The following DNAH3 variants were observed in gnomAD, a reference collection of about 807,000 sequenced individuals.
DNAH3 encodes the protein axonemal beta dynein heavy chain 3.
DNAH3 carries 332 observed loss-of-function variants against 432.5 expected under a neutral mutation model. That is an observed-to-expected ratio of 0.77 (90% CI 0.70 to 0.84). DNAH3 has a LOEUF of 0.84. Among genes scored for constraint, DNAH3 ranks in the 40% least tolerant of loss-of-function variants. The pLI, the probability that DNAH3 is intolerant of heterozygous loss-of-function variation, is 0.00. For missense variants in DNAH3, 4,861 were observed against 5,114.0 expected, an observed-to-expected ratio of 0.95 and a Z score of 1.51; for synonymous variants, 1,956 against 1,900.2, an observed-to-expected ratio of 1.03 and a Z score of -0.76.
At chr16:21,147,171 C>A (rs58431726) in intron 1 of DNAH3, among the ~76,000 whole-genome samples, 2,228 of 152,080 alleles carry the variant, frequency 0.015, 53 homozygotes, top group African/African-American at 0.05. Context: ...ATCCCCAGTA[C>A]CCTACCCTCA....
intron 18 of DNAH3, among the ~76,000 whole-genome samples, chr16:21,096,070 T>C (rs2091669471): frequency 6.6e-6 from 1 of 151,980 alleles, no homozygotes; most frequent in African/African-American, 2.4e-5. Flanking sequence ...ATGACTGGCT[T>C]TCTTGTGTTT....
chr16:21,094,913 C>T (rs1255503534), intron 18 of DNAH3, among the ~76,000 whole-genome samples: 5 of 152,088 alleles, frequency 3.3e-5, no homozygotes, highest in East Asian at 3.9e-4. Context: ...TCTTGCCTGC[C>T]GCCATGTAAG....
chr16:21,075,776 G>T (rs2090952378), intron 20 of DNAH3, among the ~76,000 whole-genome samples: 1 of 151,840 alleles, frequency 6.6e-6, no homozygotes, highest in Non-Finnish European at 1.5e-5. Flanking sequence ...AGCCAGGTGT[G>T]GTGTATGCCT....
In DNAH3 at chr16:21,070,672, C is replaced by T. The variant is rs149070359; in HGVS notation, c.3201+38G>A. The T allele has an allele frequency of 4.5e-5, 62 of 1,389,722 alleles. No individual in the cohort carries two copies. In the African/African-American group the frequency reaches 7.4e-4, roughly 17 times the overall value. The allele number at this position is 1,389,722 out of a possible 1,614,324, so 86.1% of individuals were successfully genotyped here. On this transcript the variant is annotated intron_variant, in intron 22 of 61. Transcript: ENST00000261383. ...CCTCCTCTGAGAAACCCAGAGCTAACGAAACACCTCAAAGCATTCAACTTC... is the reference window on the plus strand; with the variant it reads ...CCTCCTCTGAGAAACCCAGAGCTAATGAAACACCTCAAAGCATTCAACTTC...
At position 21,078,841 on chromosome 16, in the gene DNAH3, G is replaced by A. The variant is rs183819481; in HGVS notation, c.2969+2795C>T. On this transcript the variant is annotated intron_variant, in intron 20 of 61. Transcript: ENST00000261383. ...GCTGTGATGAAGCTGCATTAACTAT[G>A]GTGTGGGTGGAATACATGCAATATC... 4.6e-5 allele frequency among the ~76,000 whole-genome samples: 7 copies of A among 152,330 alleles called. No homozygotes were observed. In the East Asian group the frequency reaches 1.2e-3, roughly 25 times the overall value.
At position 20,944,658 on chromosome 16, in the gene DNAH3, A is replaced by C; in HGVS notation, c.11349T>G (p.Tyr3783Ter). The C allele has an allele frequency of 6.2e-7, 1 of 1,614,008 alleles. No individual in the cohort carries two copies. Among genetic ancestry groups the C allele is most frequent in the South Asian group, 1.1e-5 (1 of 91,070 alleles). ...TGGGGAGATTCCTGAGATAGTCGAT[A>C]TAGGACTGGAAGGGAAATCTTCAGT... Residue 3783 changes from tyrosine to a stop codon, truncating the protein, a stop_gained, in exon 58 of 62, where the codon TAT (tyrosine) becomes TAG (stop). Transcript: ENST00000261383. LOFTEE classifies it high-confidence loss of function.
intron 10 of DNAH3, among the ~76,000 whole-genome samples, chr16:21,121,560 A>C (rs1458302497): frequency 6.7e-6 from 1 of 149,772 alleles, no homozygotes; most frequent in African/African-American, 2.5e-5. Flanking sequence ...CATGGAGGAC[A>C]CTATACTCTC....
intron 19 of DNAH3, among the ~76,000 whole-genome samples, chr16:21,084,982 G>T (rs1316010633): frequency 6.9e-6 from 1 of 145,454 alleles, no homozygotes; most frequent in Non-Finnish European, 1.5e-5. Flanking sequence ...CCCCGATGCA[G>T]GTCAAAGTCC....
At chr16:21,137,365 A>G (rs760031) in intron 5 of DNAH3, among the ~76,000 whole-genome samples, 36,768 of 150,468 alleles carry the variant, frequency 0.24, 4,573 homozygotes, top group East Asian at 0.31. Context: ...CTTTGATCCC[A>G]TGGCTTCTAG....
intron 59 of DNAH3, 131 bp downstream of exon 59, chr16:20,941,270 C>G (rs1291007642): frequency 2.9e-6 from 3 of 1,027,050 alleles, no homozygotes; most frequent in Non-Finnish European, 4.3e-6. Context: ...ATTCACAGCC[C>G]CTATTCACAC....
intron 44 of DNAH3, among the ~76,000 whole-genome samples, chr16:20,993,511 A>G (rs570374883): frequency 3.9e-5 from 6 of 152,084 alleles, no homozygotes; most frequent in Non-Finnish European, 8.8e-5. Context: ...TTGAAGATTA[A>G]TTTTTCTGGC....
chr16:21,113,263 G>GT (rs1438168661), intron 12 of DNAH3, among the ~76,000 whole-genome samples: 1 of 152,122 alleles, frequency 6.6e-6, no homozygotes, highest in Non-Finnish European at 1.5e-5. Flanking sequence ...CATAGGGCTG[G>GT]TTTTTTCCCA....
At chr16:21,094,370 G>A (rs558819465) in intron 18 of DNAH3, among the ~76,000 whole-genome samples, 1 of 152,136 alleles carries the variant, frequency 6.6e-6, no homozygotes, top group South Asian at 2.1e-4. Flanking sequence ...TATGAGAATG[G>A]CTAAAATAAA....
exon 10 of DNAH3, chr16:21,121,952 A>C (rs756022693): frequency 6.2e-6 from 10 of 1,608,530 alleles, no homozygotes; most frequent in Non-Finnish European, 7.6e-6. Flanking sequence ...TACCTTGGGG[A>C]TCCCATTAGA....
intron 14 of DNAH3, among the ~76,000 whole-genome samples, chr16:21,111,114 C>T (rs549057615): frequency 2.0e-5 from 3 of 152,112 alleles, no homozygotes; most frequent in East Asian, 1.9e-4. Flanking sequence ...CCCAGGAGTT[C>T]GAGGCTACAA....
intron 8 of DNAH3, among the ~76,000 whole-genome samples, chr16:21,125,834 T>C (rs1245215092): frequency 6.6e-6 from 1 of 152,118 alleles, no homozygotes; most frequent in Admixed American, 6.6e-5. Flanking sequence ...CAGAAGTTGA[T>C]GGTAGAAATC....
intron 58 of DNAH3, among the ~76,000 whole-genome samples, chr16:20,944,158 A>G (rs6497521): frequency 4.0e-5 from 6 of 151,176 alleles, no homozygotes; most frequent in African/African-American, 9.7e-5. Flanking sequence ...TTAAAAAAAA[A>G]AGAGAGTTAG....
At chr16:21,112,469 A>T (rs1415457133) in intron 12 of DNAH3, among the ~76,000 whole-genome samples, 1 of 152,148 alleles carries the variant, frequency 6.6e-6, no homozygotes, top group African/African-American at 2.4e-5. Context: ...GGCAAAAGAC[A>T]CGTCTTACAT....
intron 37 of DNAH3, among the ~76,000 whole-genome samples, chr16:21,028,909 T>G (rs1457866907): frequency 4.6e-5 from 7 of 152,232 alleles, no homozygotes; most frequent in African/African-American, 1.7e-4. Context: ...AAAACTTCCC[T>G]GCATCTTACT....
Sources: allele counts gnomAD v4.1 joint callset (sites outside exome capture counted in the v4.1 genomes callset), GRCh38; gene constraint gnomAD v4.1.1; transcripts MANE v1.5; gene names NCBI Gene and HGNC (gene_info 2026-07-23, HGNC 2026-07-21).